Variants in SGCZ observed in about 807,000 individuals in gnomAD.
The protein encoded by SGCZ is sarcoglycan zeta.
Under a neutral mutation model 41.3 loss-of-function variants are expected in SGCZ, and 40 were observed. That is an observed-to-expected ratio of 0.97 (90% confidence interval 0.75 to 1.26). The LOEUF (loss-of-function observed/expected upper bound fraction) is 1.26. SGCZ is among the 50% of genes most tolerant of loss of function. The pLI is 0.00. For synonymous variants in SGCZ, 206 were observed against 137.5 expected, an observed-to-expected ratio of 1.50 and a Z score of -3.49; for missense variants, 552 against 369.8, an observed-to-expected ratio of 1.49 and a Z score of -4.04.
chr8:14,108,521 G>A (rs1346753610), intron 5 of SGCZ, among the ~76,000 whole-genome samples: 2 of 152,174 alleles, frequency 1.3e-5, no homozygotes, highest in South Asian at 2.1e-4. Context: ...TGAGGAAGAC[G>A]CAAAAGCAGA....
At chr8:15,024,368 T>C (rs1271215277) in intron 1 of SGCZ, among the ~76,000 whole-genome samples, 1 of 152,206 alleles carries the variant, frequency 6.6e-6, no homozygotes, top group Non-Finnish European at 1.5e-5. Context: ...ACTGCTAACA[T>C]GTAAATTTTT....
intron 4 of SGCZ, among the ~76,000 whole-genome samples, chr8:14,168,971 C>T (rs1290309470): frequency 1.3e-5 from 2 of 152,080 alleles, no homozygotes; most frequent in African/African-American, 2.4e-5. Context: ...CCCTATTTGA[C>T]CGATGAGGAA....
intron 1 of SGCZ, among the ~76,000 whole-genome samples, chr8:14,776,948 G>A (rs1800422259): frequency 6.6e-6 from 1 of 152,150 alleles, no homozygotes; most frequent in Non-Finnish European, 1.5e-5. Context: ...AAAGACAATG[G>A]AATAAAATAC....
intron 1 of SGCZ, among the ~76,000 whole-genome samples, chr8:14,994,115 T>A (rs1293616642): frequency 6.6e-6 from 1 of 152,190 alleles, no homozygotes; most frequent in Non-Finnish European, 1.5e-5. Context: ...TATCTTTAGT[T>A]CATTCATTTC....
intron 1 of SGCZ, among the ~76,000 whole-genome samples, chr8:15,164,246 A>G (rs1799590595): frequency 1.3e-5 from 2 of 152,162 alleles, no homozygotes; most frequent in Admixed American, 6.5e-5. Flanking sequence ...ATGGGGACTC[A>G]AAACCTCTCA....
Position 14,493,359 on chromosome 8 carries a change from C to CTTTTTTTTTTTTTTTTTTTTTT in SGCZ, c.234+61351_234+61372dup, listed in dbSNP as rs57898016. On this transcript the variant is annotated intron_variant, in intron 2 of 7. Transcript: ENST00000382080. Reference sequence around the variant, plus strand: ...CATACTTTTCCCACTATCATCCTTTCTTTTTTTTTTTTTTTTTTTTTTTTT... The same window carrying CTTTTTTTTTTTTTTTTTTTTTT: ...CATACTTTTCCCACTATCATCCTTTCTTTTTTTTTTTTTTTTTTTTTTTTTTTTTTTTTTTTTTTTTTTTTTT... Among the ~76,000 whole-genome samples, 136 of 44,276 alleles carry CTTTTTTTTTTTTTTTTTTTTTT rather than the reference C, an allele frequency of 3.1e-3. 20 individuals carry two copies. The highest frequency in any genetic ancestry group is 4.9e-3 in the African/African-American group (65 of 13,256). 29.0% of individuals were successfully genotyped at this position (44,276 alleles called of 152,430 possible).
At chr8:15,231,820 C>T (rs1403717057) in intron 1 of SGCZ, among the ~76,000 whole-genome samples, 1 of 151,972 alleles carries the variant, frequency 6.6e-6, no homozygotes, top group Non-Finnish European at 1.5e-5. Flanking sequence ...CAGGGTTTCA[C>T]CGTGTTGGCC....
At chr8:14,401,525 A>T (rs1799076072) in intron 2 of SGCZ, among the ~76,000 whole-genome samples, 1 of 146,278 alleles carries the variant, frequency 6.8e-6, no homozygotes, top group African/African-American at 2.6e-5. Context: ...CCTGTGAGTG[A>T]GAATATGCGG....
chr8:14,640,127 G>A (rs573788236), intron 1 of SGCZ, among the ~76,000 whole-genome samples: 82 of 151,704 alleles, frequency 5.4e-4, no homozygotes, highest in Middle Eastern at 3.4e-3. Flanking sequence ...CATTAAGGGA[G>A]GTTTAAATTT....
intron 1 of SGCZ, among the ~76,000 whole-genome samples, chr8:15,154,139 G>A (rs1336451486): frequency 3.3e-5 from 5 of 152,176 alleles, no homozygotes; most frequent in Non-Finnish European, 5.9e-5. Flanking sequence ...GCCATGAACT[G>A]GGGGTTGGGG....
At chr8:14,131,197 T>C (rs73664106) in intron 5 of SGCZ, among the ~76,000 whole-genome samples, 7,012 of 152,224 alleles carry the variant, frequency 0.046, 537 homozygotes, top group African/African-American at 0.16. Flanking sequence ...AGACAAAAGA[T>C]GCCGCTTCAG....
chr8:14,129,769 T>A (rs1324279511), intron 5 of SGCZ, among the ~76,000 whole-genome samples: 2 of 151,388 alleles, frequency 1.3e-5, no homozygotes, highest in Non-Finnish European at 2.9e-5. Context: ...TAGTTAGGAA[T>A]AAATTTGACA....
chr8:15,190,334 TTTCA>T (rs111964133), intron 1 of SGCZ, among the ~76,000 whole-genome samples: 1,714 of 150,584 alleles, frequency 0.011, 28 homozygotes, highest in African/African-American at 0.035. Flanking sequence ...GGATAATTCA[TTTCA>T]TTCATTCATT....
chr8:15,026,847 C>T (rs969993214), intron 1 of SGCZ, among the ~76,000 whole-genome samples: 5 of 152,150 alleles, frequency 3.3e-5, no homozygotes, highest in African/African-American at 4.8e-5. Context: ...TTCTACAATT[C>T]TCTTTTTGAG....
intron 1 of SGCZ, among the ~76,000 whole-genome samples, chr8:14,572,635 A>G (rs1804589552): frequency 6.6e-6 from 1 of 152,160 alleles, no homozygotes. Context: ...CTCACTTTCA[A>G]AGCCATACCC....
intron 5 of SGCZ, among the ~76,000 whole-genome samples, chr8:14,112,688 A>C (rs1802411423): frequency 6.6e-6 from 1 of 152,094 alleles, no homozygotes; most frequent in Non-Finnish European, 1.5e-5. Context: ...ATCTTGGCCA[A>C]GTATTTAAAG....
chr8:15,158,177 A>C (rs1341018208), intron 1 of SGCZ, among the ~76,000 whole-genome samples: 6 of 151,818 alleles, frequency 4.0e-5, no homozygotes, highest in African/African-American at 1.5e-4. Flanking sequence ...AAAAAAAAAA[A>C]TGGTGAAAAG....
At chr8:15,054,068 G>A (rs975150283) in intron 1 of SGCZ, among the ~76,000 whole-genome samples, 1 of 152,194 alleles carries the variant, frequency 6.6e-6, no homozygotes, top group Non-Finnish European at 1.5e-5. Context: ...AAGCTTTAGA[G>A]TCTAGTACCT....
intron 1 of SGCZ, among the ~76,000 whole-genome samples, chr8:14,847,655 C>CAGGG (rs1340411382): frequency 8.3e-6 from 1 of 120,364 alleles, no homozygotes; most frequent in African/African-American, 3.2e-5. Context: ...GGGAGGGAGG[C>CAGGG]AGGGAGGGAA....
Sources: gnomAD v4.1 joint callset for allele counts (sites outside exome capture counted in the v4.1 genomes callset) on GRCh38, gnomAD v4.1.1 for gene constraint, MANE v1.5 for transcripts, NCBI Gene and HGNC (gene_info 2026-07-23, HGNC 2026-07-21) for gene names.